UBXN8: variants seen among roughly 807,000 people sequenced by gnomAD.
UBXN8 encodes the protein UBX domain-containing protein 8.
Under a neutral mutation model 32.1 loss-of-function variants are expected in UBXN8, and 27 were observed. The ratio of observed to expected loss-of-function variants is 0.84; its 90% CI spans 0.62 to 1.16. The LOEUF is 1.16. UBXN8 is among the 50% of genes most tolerant of loss of function. UBXN8 has a pLI of 0.00. For missense variants in UBXN8, 306 were observed against 311.4 expected, an observed-to-expected ratio of 0.98 and a Z score of 0.13; for synonymous variants, 109 against 111.8, an observed-to-expected ratio of 0.98 and a Z score of 0.16.
At chr8:30,761,073 T>C (rs539974480) in intron 6 of UBXN8, 144 bp downstream of exon 6, 17 of 608,880 alleles carry the variant, frequency 2.8e-5, no homozygotes, top group African/African-American at 1.9e-4. Flanking sequence ...CTAGGTCTTT[T>C]TTAGAACATA....
chr8:30,742,099 C>T (rs1395667474), upstream of UBXN8, among the ~76,000 whole-genome samples: 2 of 151,712 alleles, frequency 1.3e-5, no homozygotes, highest in Non-Finnish European at 2.9e-5. Flanking sequence ...GACTGTAGAA[C>T]TTTCTTTCCT....
Position 30,744,236 on chromosome 8 carries a change from C to G in UBXN8, c.47C>G (p.Pro16Arg), listed in dbSNP as rs1805296974. The change falls in exon 1 of 8, where the codon CCC (proline) becomes CGC (arginine). Residue 16 changes from proline to arginine, a missense_variant. Pro to Arg is a moderately radical substitution (Grantham distance 103). Coordinates refer to ENST00000265616, the MANE Select transcript of UBXN8 (RefSeq NM_005671.4). ...VVGIFFLSAV[P>R]LVCLELRRGI... ...GGCATTTTCTTCCTCTCTGCTGTCCCCCTTGTGTGTCTGGAGCTCCGGCGT... is the reference window on the plus strand; with the variant it reads ...GGCATTTTCTTCCTCTCTGCTGTCCGCCTTGTGTGTCTGGAGCTCCGGCGT... 6.2e-7 allele frequency: 1 copy of G among 1,613,926 alleles called. No individual in the cohort carries two copies. The highest frequency in any genetic ancestry group is 1.7e-5 in the Admixed American group (1 of 60,002).
intron 1 of UBXN8, among the ~76,000 whole-genome samples, chr8:30,744,766 A>C (rs1805321275): frequency 6.6e-6 from 1 of 152,204 alleles, no homozygotes. Context: ...CACGCCCGTG[A>C]AAAGCCAGTG....
chr8:30,760,974 T>G, intron 6 of UBXN8, 45 bp downstream of exon 6: 1 of 1,367,470 alleles, frequency 7.3e-7, no homozygotes, highest in Non-Finnish European at 1.0e-6. Flanking sequence ...TTTTCTATTT[T>G]CTTTGCTTAA....
At chr8:30,752,979 T>C in intron 2 of UBXN8, 56 bp from the exon 3 acceptor site, 1 of 1,459,342 alleles carries the variant, frequency 6.9e-7, no homozygotes, top group African/African-American at 1.4e-5. Flanking sequence ...TGATTGGTTG[T>C]ACTTCAAATA....
At chr8:30,729,585 G>A (rs1804901745), upstream of UBXN8, among the ~76,000 whole-genome samples, 1 of 152,130 alleles carries the variant, frequency 6.6e-6, no homozygotes, top group Non-Finnish European at 1.5e-5. Flanking sequence ...TTGTTTTGTG[G>A]TGTGCGTTTG....
At chr8:30,740,825 C>T (rs1029185940), upstream of UBXN8, among the ~76,000 whole-genome samples, 5 of 152,154 alleles carry the variant, frequency 3.3e-5, no homozygotes, top group Non-Finnish European at 1.5e-5. Context: ...TTCTTACTCA[C>T]GAAGATAGGC....
intron 5 of UBXN8, among the ~76,000 whole-genome samples, chr8:30,757,547 C>T (rs938946752): frequency 8.1e-5 from 12 of 148,250 alleles, no homozygotes; most frequent in African/African-American, 3.0e-4. Flanking sequence ...AGTGAAACTC[C>T]ATCTCAAAAA....
At chr8:30,738,770 C>CA (rs1180459839) in intron 1 of UBXN8, among the ~76,000 whole-genome samples, 1 of 150,458 alleles carries the variant, frequency 6.6e-6, no homozygotes, top group Admixed American at 6.6e-5. Context: ...GCCTGACCAA[C>CA]ATGGTGAAAC....
chr8:30,753,085 C>A lies in UBXN8; in HGVS notation c.262C>A (p.Gln88Lys). ...KRQKLVRKKQ[Q>K]EAQGEKASRY... ...ACAAAAACTTGTGAGAAAAAAACAA[C>A]AAGAAGCACAAGGAGAGAAGGTAAG... is the stretch of plus-strand genomic sequence containing the variant. Residue 88 changes from glutamine (Q) to lysine (K), a missense_variant, in exon 3 of 8, where the codon CAA becomes AAA. Transcript: ENST00000265616. The A allele has an allele frequency of 6.6e-7, 1 of 1,524,122 alleles. No individual in the cohort carries two copies. The highest frequency in any genetic ancestry group is 8.8e-7 in the Non-Finnish European group (1 of 1,136,502). The allele number at this position is 1,524,122 out of a possible 1,614,324, so 94.4% of individuals were successfully genotyped here.
intron 3 of UBXN8, among the ~76,000 whole-genome samples, chr8:30,753,686 A>G (rs1212957177): frequency 6.6e-6 from 1 of 151,318 alleles, no homozygotes; most frequent in African/African-American, 2.4e-5. Context: ...CCCTCATCCC[A>G]TCCTCTGAAA....
Position 30,766,340 on chromosome 8 carries a change from A to G in UBXN8, c.759A>G (p.Ile253Met). The G allele has an allele frequency of 4.3e-6, 7 of 1,613,540 alleles. No individual in the cohort carries two copies. The highest frequency in any genetic ancestry group is 5.9e-6 in the Non-Finnish European group (7 of 1,179,684). ...AGGGAGGCCAGTCGCTGGAGGACAT[A>G]GGAATAACTGTGGACACTGTACTCA... The part of the protein sequence containing the change: ...AVEGGQSLED[I>M]GITVDTVLIL... Residue 253 changes from isoleucine (I) to methionine (M), a missense_variant, in exon 8 of 8, where the codon ATA becomes ATG. Coordinates refer to ENST00000265616, the MANE Select transcript of UBXN8 (RefSeq NM_005671.4).
At chr8:30,748,532 TC>T (rs1362015524) in intron 1 of UBXN8, among the ~76,000 whole-genome samples, 1 of 151,374 alleles carries the variant, frequency 6.6e-6, no homozygotes, top group African/African-American at 2.4e-5. Flanking sequence ...AACATTTAAG[TC>T]TATATATGTT....
chr8:30,730,816 G>A (rs144945570), upstream of UBXN8, among the ~76,000 whole-genome samples: 2,413 of 152,348 alleles, frequency 0.016, 63 homozygotes, highest in African/African-American at 0.054. Context: ...TCAAAGCGCA[G>A]AAGACATTAG....
At chr8:30,764,453 AC>A (rs1805943117) in intron 7 of UBXN8, among the ~76,000 whole-genome samples, 1 of 152,180 alleles carries the variant, frequency 6.6e-6, no homozygotes. Flanking sequence ...TACAGGCGTG[AC>A]CCACCACGAC....
intron 1 of UBXN8, among the ~76,000 whole-genome samples, chr8:30,750,978 C>A (rs1176603070): frequency 6.6e-6 from 1 of 152,036 alleles, no homozygotes; most frequent in Non-Finnish European, 1.5e-5. Context: ...GTATATGAGT[C>A]ATCTATAGAT....
chr8:30,765,532 T>A (rs62508271), intron 7 of UBXN8, among the ~76,000 whole-genome samples: 4 of 150,386 alleles, frequency 2.7e-5, no homozygotes, highest in African/African-American at 9.8e-5. Context: ...AAAAAAAATT[T>A]TATATATATA....
chr8:30,759,628 G>C (rs1439287355), intron 5 of UBXN8, among the ~76,000 whole-genome samples: 1 of 151,738 alleles, frequency 6.6e-6, no homozygotes, highest in Non-Finnish European at 1.5e-5. Flanking sequence ...AGTCACCTAG[G>C]AGTGTGAGTG....
At chr8:30,759,884 G>GA (rs1030393075) in intron 5 of UBXN8, among the ~76,000 whole-genome samples, 5 of 151,544 alleles carry the variant, frequency 3.3e-5, no homozygotes, top group African/African-American at 1.2e-4. Context: ...CTGAACCCAG[G>GA]AGGCAGAGCT....
Sources: gnomAD v4.1 joint callset for allele counts (sites outside exome capture counted in the v4.1 genomes callset) on GRCh38, gnomAD v4.1.1 for gene constraint, MANE v1.5 for transcripts, NCBI Gene and HGNC (gene_info 2026-07-23, HGNC 2026-07-21) for gene names.